Variants in THSD7B observed in about 807,000 individuals in gnomAD.
THSD7B encodes the protein thrombospondin type-1 domain-containing protein 7B.
In THSD7B, 138 loss-of-function variants were observed where a neutral mutation model predicts 213.6. The observed-to-expected ratio is 0.65, with a 90% CI of 0.56 to 0.74. THSD7B has a LOEUF of 0.74. THSD7B is among the 30% of genes least tolerant of loss of function. The pLI is 0.00. For missense variants in THSD7B, 1,931 were observed against 1,991.5 expected, an observed-to-expected ratio of 0.97 and a Z score of 0.58; for synonymous variants, 742 against 687.0, an observed-to-expected ratio of 1.08 and a Z score of -1.25.
intron 15 of THSD7B, among the ~76,000 whole-genome samples, chr2:137,498,519 T>C (rs910195186): frequency 5.3e-5 from 8 of 152,148 alleles, no homozygotes; most frequent in Non-Finnish European, 8.8e-5. Flanking sequence ...AACAGCTTCA[T>C]CCACCAATCC....
intron 1 of THSD7B, among the ~76,000 whole-genome samples, chr2:136,843,111 C>G (rs897925043): frequency 7.7e-6 from 1 of 130,224 alleles, no homozygotes; most frequent in Non-Finnish European, 1.6e-5. Flanking sequence ...TTTTTTGCTT[C>G]CTTCCTTTGC....
chr2:136,789,188 A>G (rs1310107393), intron 1 of THSD7B, among the ~76,000 whole-genome samples: 1 of 152,054 alleles, frequency 6.6e-6, no homozygotes. Flanking sequence ...AAGTTTTTAT[A>G]GTTTTTGAAA....
intron 15 of THSD7B, among the ~76,000 whole-genome samples, chr2:137,509,980 T>C (rs1679926122): frequency 6.6e-6 from 1 of 152,190 alleles, no homozygotes; most frequent in African/African-American, 2.4e-5. Context: ...TTTAACATTT[T>C]TTTCTCCCTT....
At chr2:137,247,520 A>G (rs1237343373) in intron 10 of THSD7B, among the ~76,000 whole-genome samples, 2 of 152,224 alleles carry the variant, frequency 1.3e-5, no homozygotes, top group Non-Finnish European at 2.9e-5. Context: ...TTAAAAATAG[A>G]ATATTCAACA....
intron 1 of THSD7B, among the ~76,000 whole-genome samples, chr2:136,828,119 A>G (rs1167357233): frequency 6.6e-6 from 1 of 152,108 alleles, no homozygotes; most frequent in East Asian, 1.9e-4. Context: ...TTCCACTCTT[A>G]TCTGCCACCT....
At chr2:137,335,505 T>C (rs561923206) in intron 12 of THSD7B, among the ~76,000 whole-genome samples, 1 of 152,352 alleles carries the variant, frequency 6.6e-6, no homozygotes, top group African/African-American at 2.4e-5. Context: ...GTTTTTTTCT[T>C]ATCCACATTG....
intron 2 of THSD7B, among the ~76,000 whole-genome samples, chr2:137,046,447 C>G (rs13424917): frequency 6.6e-6 from 1 of 151,948 alleles, no homozygotes; most frequent in South Asian, 2.1e-4. Flanking sequence ...TTAAGAGACC[C>G]AGCGGGGTGT....
chr2:137,295,658 T>A (rs1683444359), intron 12 of THSD7B, among the ~76,000 whole-genome samples: 1 of 151,956 alleles, frequency 6.6e-6, no homozygotes, highest in African/African-American at 2.4e-5. Flanking sequence ...GTATTTTTAG[T>A]AGAAACGGGG....
chr2:136,889,256 A>G (rs1041424715), intron 2 of THSD7B, among the ~76,000 whole-genome samples: 2 of 152,186 alleles, frequency 1.3e-5, no homozygotes, highest in African/African-American at 4.8e-5. Flanking sequence ...AAGATATTAT[A>G]GTTATATCTC....
At position 137,492,949 on chromosome 2, in the gene THSD7B, G is replaced by A. The variant is rs533302912; in HGVS notation, c.3138+41926G>A. On this transcript the variant is annotated intron_variant, in intron 15 of 27. Coordinates refer to ENST00000409968, the MANE Select transcript of THSD7B (RefSeq NM_001316349.2). ...AGCCTGGCCAACATGGTGAAACCCC[G>A]TCTCTACTAAAAATATAAAAAATTA... 2.6e-3 allele frequency among the ~76,000 whole-genome samples: 401 copies of A among 151,368 alleles called. 2 individuals are homozygous for A. Among genetic ancestry groups the A allele is most frequent in the Middle Eastern group, 0.017 (5 of 290 alleles).
chr2:137,382,400 A>T (rs1278989109), intron 12 of THSD7B, among the ~76,000 whole-genome samples: 1 of 152,218 alleles, frequency 6.6e-6, no homozygotes, highest in African/African-American at 2.4e-5. Context: ...AGGAGTGCCC[A>T]TTTGAGCAGG....
intron 1 of THSD7B, among the ~76,000 whole-genome samples, chr2:136,854,875 C>T (rs1683154030): frequency 6.6e-6 from 1 of 152,220 alleles, no homozygotes; most frequent in Middle Eastern, 3.4e-3. Context: ...TAGCGTCTCT[C>T]TCCCCCATGT....
At chr2:136,925,442 G>A (rs1684506484) in intron 2 of THSD7B, among the ~76,000 whole-genome samples, 1 of 151,988 alleles carries the variant, frequency 6.6e-6, no homozygotes, top group East Asian at 1.9e-4. Flanking sequence ...TGAAATTTTT[G>A]TCCTTCATTT....
At position 137,506,587 on chromosome 2, in the gene THSD7B, A is replaced by G. The variant is rs189402742; in HGVS notation, c.3138+55564A>G. Among the ~76,000 whole-genome samples, 162 of 152,366 alleles carry G rather than the reference A, an allele frequency of 1.1e-3. 1 individual carries two copies. Among genetic ancestry groups the G allele is most frequent in the African/African-American group, 3.7e-3 (154 of 41,588 alleles). ...CAGGGAGATGTGGAGACACATAGAT[A>G]ACTACTCAGGAGGGAGGTTTGAAAA... On this transcript the variant is annotated intron_variant, in intron 15 of 27. Coordinates refer to ENST00000409968, the MANE Select transcript of THSD7B (RefSeq NM_001316349.2).
intron 3 of THSD7B, among the ~76,000 whole-genome samples, chr2:137,072,029 A>G (rs1687502603): frequency 6.6e-6 from 1 of 152,196 alleles, no homozygotes; most frequent in African/African-American, 2.4e-5. Flanking sequence ...TATAGTTTGA[A>G]GTCAGGTAGC....
At chr2:137,588,845 G>A (rs1042004927) in intron 17 of THSD7B, among the ~76,000 whole-genome samples, 1 of 151,864 alleles carries the variant, frequency 6.6e-6, no homozygotes, top group African/African-American at 2.4e-5. Flanking sequence ...GAGTGCAATG[G>A]CATGATCTAA....
intron 15 of THSD7B, among the ~76,000 whole-genome samples, chr2:137,531,782 A>G (rs1282851423): frequency 6.6e-6 from 1 of 151,956 alleles, no homozygotes; most frequent in East Asian, 1.9e-4. Context: ...CATGTGCTTT[A>G]TACCACTACC....
At chr2:137,254,597 G>C (rs538183847) in intron 10 of THSD7B, among the ~76,000 whole-genome samples, 1 of 152,208 alleles carries the variant, frequency 6.6e-6, no homozygotes, top group East Asian at 1.9e-4. Context: ...TGGACTCCTG[G>C]TATTGTCACT....
At chr2:137,213,420 C>T (rs954919927) in intron 7 of THSD7B, among the ~76,000 whole-genome samples, 1 of 146,978 alleles carries the variant, frequency 6.8e-6, no homozygotes, top group Non-Finnish European at 1.5e-5. Flanking sequence ...TATTAACTAA[C>T]CTACATAATA....
Sources: allele counts gnomAD v4.1 joint callset (sites outside exome capture counted in the v4.1 genomes callset), GRCh38; gene constraint gnomAD v4.1.1; transcripts MANE v1.5; gene names NCBI Gene and HGNC (gene_info 2026-07-23, HGNC 2026-07-21).